The following DET1 variants were observed in gnomAD, a reference collection of about 807,000 sequenced individuals.
The protein encoded by DET1 is DET1 homolog.
In DET1, 22 loss-of-function variants were observed where a neutral mutation model predicts 43.7. That is an observed-to-expected ratio of 0.50 (90% CI 0.36 to 0.72). The LOEUF is 0.72. Ranked by LOEUF, DET1 falls within the 30% of genes least tolerant of loss-of-function variation. The probability of loss-of-function intolerance (pLI) is 0.00; values close to 1 mark genes in which losing one functional copy is unlikely to be tolerated. For synonymous variants in DET1, 315 were observed against 266.2 expected (o/e 1.18, Z -1.79); for missense variants, 713 against 713.3 (o/e 1.00, Z 0.00).
chr15:88,510,244 G>A (rs549611313), downstream of DET1, among the ~76,000 whole-genome samples: 6 of 152,186 alleles, frequency 3.9e-5, no homozygotes, highest in Non-Finnish European at 7.3e-5. Flanking sequence ...AAAGATCTAA[G>A]ATAGGATCAA....
chr15:88,532,805 A>G (rs1407735411), intron 1 of DET1, among the ~76,000 whole-genome samples: 1 of 152,224 alleles, frequency 6.6e-6, no homozygotes, highest in Non-Finnish European at 1.5e-5. Flanking sequence ...TAGGAAAAGA[A>G]TCTAAATATA....
intron 2 of DET1, among the ~76,000 whole-genome samples, chr15:88,528,049 C>T (rs961710410): frequency 6.6e-6 from 1 of 152,184 alleles, no homozygotes; most frequent in Non-Finnish European, 1.5e-5. Flanking sequence ...TGTATCTGTG[C>T]TGCTAGAATT....
chr15:88,529,719 A>C (rs536456862), intron 2 of DET1, among the ~76,000 whole-genome samples: 1 of 152,208 alleles, frequency 6.6e-6, no homozygotes, highest in Non-Finnish European at 1.5e-5. Context: ...GAATTTCCAA[A>C]CTAGTGTCTA....
chr15:88,531,939 C>T lies in DET1; in HGVS notation c.-10-224G>A, dbSNP rs2056826491. ...GAAGGATCTAGTTCACTAGGAATAC[C>T]TTCCAAGTATGCTCAGCTGTTGGGA... On this transcript the variant is annotated intron_variant, in intron 1 of 4. Transcript: ENST00000268148. This position sits in a 1 kb window ranked among gnomAD's most constrained non-coding sequence, Gnocchi z 6.2. 1 of 513,528 alleles carries T rather than the reference C, an allele frequency of 1.9e-6. No individual in the cohort carries two copies. Among genetic ancestry groups the T allele is most frequent in the South Asian group, 2.8e-5 (1 of 35,392 alleles). 31.8% of individuals were successfully genotyped at this position (513,528 alleles called of 1,614,324 possible). A position where few individuals can be genotyped will look rare whatever the true frequency, so the allele number is the denominator to read the frequency against.
downstream of DET1, among the ~76,000 whole-genome samples, chr15:88,512,112 G>A (rs568959024): frequency 1.4e-4 from 22 of 152,290 alleles, no homozygotes; most frequent in African/African-American, 4.8e-4. Flanking sequence ...GGACACCTGC[G>A]GCTTGCCAGC....
chr15:88,520,646 G>T (rs568522001), intron 3 of DET1, among the ~76,000 whole-genome samples: 11 of 152,200 alleles, frequency 7.2e-5, no homozygotes, highest in African/African-American at 2.2e-4. Flanking sequence ...TTCTTTCATG[G>T]CCCATAGACC....
chr15:88,541,837 C>T (rs2057114390), intron 1 of DET1, among the ~76,000 whole-genome samples: 1 of 152,302 alleles, frequency 6.6e-6, no homozygotes, highest in Middle Eastern at 3.4e-3. Flanking sequence ...TCGGCTCCCC[C>T]TGTTTTGCCT....
In DET1 at chr15:88,541,492, A is replaced by G. The variant is rs2057105401; in HGVS notation, c.-11+5048T>C. On this transcript the variant is annotated intron_variant, in intron 1 of 4. Transcript: ENST00000268148. ...GTCCCACCTTACGAGAAACACCCAC[A>G]GGTGTGTAGGGGCAACCCACCCCTA... 2.6e-5 allele frequency among the ~76,000 whole-genome samples: 4 copies of G among 152,040 alleles called. No homozygotes were observed. The South Asian group carries it at 8.3e-4, about 32-fold the overall frequency.
chr15:88,505,391 GT>G (rs1261035366), intron 7 of DET1: 1 of 152,148 alleles, frequency 6.6e-6, no homozygotes, highest in African/African-American at 2.4e-5. Flanking sequence ...CTCCTGCTTT[GT>G]AAAAAATCAT....
chr15:88,513,218 G>A, intron 4 of DET1, 78 bp from the exon 5 acceptor site: 1 of 1,406,360 alleles, frequency 7.1e-7, no homozygotes, highest in South Asian at 1.4e-5. Context: ...CTAGACAGCA[G>A]GGGAATGTGG....
chr15:88,535,364 G>T (rs1037053374), intron 1 of DET1, among the ~76,000 whole-genome samples: 1 of 151,614 alleles, frequency 6.6e-6, no homozygotes, highest in African/African-American at 2.4e-5. Flanking sequence ...CTGAAAAAAA[G>T]TCAGTAAAGC....
chr15:88,541,575 C>A (rs1214116769), intron 1 of DET1, among the ~76,000 whole-genome samples: 1 of 152,172 alleles, frequency 6.6e-6, no homozygotes, highest in Non-Finnish European at 1.5e-5. Context: ...GCTCCGGACA[C>A]TCTGTGAAGT....
In DET1 at chr15:88,531,003, G is replaced by T. The variant is rs2056797261; in HGVS notation, c.703C>A (p.Gln235Lys). The T allele has an allele frequency of 6.2e-7, 1 of 1,613,594 alleles. No homozygotes were observed. Among genetic ancestry groups the T allele is most frequent in the Non-Finnish European group, 8.5e-7 (1 of 1,179,736 alleles). Residue 235 changes from glutamine to lysine, a missense_variant, in exon 2 of 5, where the codon CAA becomes AAA. By Grantham distance (53) the Gln-to-Lys change is moderately conservative. Transcript: ENST00000268148. This position sits in a 1 kb window ranked among gnomAD's most constrained non-coding sequence, Gnocchi z 6.2. ...TGGAAGACATGGATGGTCTGTTGTT[G>T]CACAGACAAGATGGCCAGGATGTTT... ...YKNILAILSV[Q>K]QQTIHVFQVT...
At chr15:88,540,712 C>T (rs945514355) in intron 1 of DET1, among the ~76,000 whole-genome samples, 4 of 145,212 alleles carry the variant, frequency 2.8e-5, no homozygotes, top group Admixed American at 6.9e-5. Flanking sequence ...GAAACATGTG[C>T]TGTGTCAACT....
chr15:88,543,162 C>A (rs2057156626), intron 1 of DET1, among the ~76,000 whole-genome samples: 1 of 152,142 alleles, frequency 6.6e-6, no homozygotes, highest in Non-Finnish European at 1.5e-5. Context: ...TCCATGAGAG[C>A]CAGGGAATTG....
Position 88,516,695 on chromosome 15 carries a change from A to G in DET1, c.1463+87T>C, listed in dbSNP as rs2056353072. ...ACCCATGAGTACGAGTCACAGTCACAATCAAATGATGTCCAGAAAAAGAGA... is the reference window on the plus strand; with the variant it reads ...ACCCATGAGTACGAGTCACAGTCACGATCAAATGATGTCCAGAAAAAGAGA... On this transcript the variant is annotated intron_variant, in intron 4 of 4. Transcript: ENST00000268148. The surrounding 1 kb of genome is among the most constrained non-coding windows in gnomAD (Gnocchi z 4.4). 6 of 1,191,188 alleles carry G rather than the reference A, an allele frequency of 5.0e-6. No homozygotes were observed. Among genetic ancestry groups the G allele is most frequent in the Non-Finnish European group, 6.8e-6 (6 of 887,648 alleles). 73.8% of individuals were successfully genotyped at this position (1,191,188 alleles called of 1,614,324 possible).
At chr15:88,527,879 C>A in intron 2 of DET1, 93 bp from the exon 3 acceptor site, 3 of 962,346 alleles carry the variant, frequency 3.1e-6, no homozygotes, top group Non-Finnish European at 4.1e-6. Context: ...AAATTCAAGG[C>A]ATGAATTTTC....
chr15:88,510,123 T>C (rs1295638396), downstream of DET1, among the ~76,000 whole-genome samples: 3 of 152,218 alleles, frequency 2.0e-5, no homozygotes, highest in African/African-American at 7.2e-5. Context: ...TAAGATCCTC[T>C]GTAGTGGAGG....
At chr15:88,538,033 G>C (rs111528932) in intron 1 of DET1, among the ~76,000 whole-genome samples, 1 of 152,142 alleles carries the variant, frequency 6.6e-6, no homozygotes, top group African/African-American at 2.4e-5. Context: ...GGTCTACCTC[G>C]GTCATGCGGT....
Sources: allele counts gnomAD v4.1 joint callset (sites outside exome capture counted in the v4.1 genomes callset), GRCh38; gene constraint gnomAD v4.1.1; non-coding constraint Gnocchi (gnomAD v3.1); transcripts MANE v1.5; gene names NCBI Gene and HGNC (gene_info 2026-07-23, HGNC 2026-07-21).